Variants in AZIN1 observed in about 807,000 individuals in gnomAD.
The protein encoded by AZIN1 is ornithine decarboxylase antizyme inhibitor.
In AZIN1, 12 loss-of-function variants were observed where a neutral mutation model predicts 47.4. The ratio of observed to expected loss-of-function variants is 0.25; its 90% CI spans 0.16 to 0.41. The LOEUF is 0.41. Among genes scored for constraint, AZIN1 ranks in the 10% least tolerant of loss-of-function variants. The probability of loss-of-function intolerance (pLI) is 1.00; values close to 1 mark genes in which losing one functional copy is unlikely to be tolerated. For missense variants in AZIN1, 410 were observed against 532.4 expected, an observed-to-expected ratio of 0.77 and a Z score of 2.26; for synonymous variants, 155 against 176.3, an observed-to-expected ratio of 0.88 and a Z score of 0.96.
At chr8:102,839,921 A>G (rs1812071456) in intron 3 of AZIN1, 98 bp from the exon 4 acceptor site, 3 of 797,996 alleles carry the variant, frequency 3.8e-6, no homozygotes, top group Admixed American at 6.0e-5. Context: ...CCACAAATAT[A>G]TGGGTCAAGA....
At chr8:102,839,548 T>C in intron 4 of AZIN1, 102 bp downstream of exon 4, 1 of 825,242 alleles carries the variant, frequency 1.2e-6, no homozygotes, top group Non-Finnish European at 1.7e-6. Context: ...TGAAACTCCA[T>C]CCAAAAGTCA....
At chr8:102,835,898 C>T (rs972650562) in intron 6 of AZIN1, among the ~76,000 whole-genome samples, 3 of 152,022 alleles carry the variant, frequency 2.0e-5, no homozygotes, top group African/African-American at 7.3e-5. Context: ...CCAGAGTAAT[C>T]GTTAAAAGGA....
intron 3 of AZIN1, among the ~76,000 whole-genome samples, chr8:102,843,224 GA>G (rs796623654): frequency 3.6e-5 from 5 of 137,586 alleles, no homozygotes; most frequent in African/African-American, 1.4e-4. Context: ...AAAAAAAAAA[GA>G]AAATTGAGAA....
chr8:102,853,874 G>A (rs941460117), intron 2 of AZIN1, among the ~76,000 whole-genome samples: 2 of 151,202 alleles, frequency 1.3e-5, no homozygotes, highest in Admixed American at 6.6e-5. Flanking sequence ...TCGGGGGGTG[G>A]GGGGAGAAAA....
At chr8:102,850,392 G>A (rs938516884) in intron 2 of AZIN1, among the ~76,000 whole-genome samples, 8 of 152,068 alleles carry the variant, frequency 5.3e-5, no homozygotes, top group Admixed American at 2.0e-4. Context: ...AATATACAAC[G>A]TTGCTTAAGT....
chr8:102,848,167 G>A (rs1812693534), intron 2 of AZIN1, among the ~76,000 whole-genome samples: 2 of 152,064 alleles, frequency 1.3e-5, no homozygotes, highest in South Asian at 4.2e-4. Context: ...GTGTGTCGTA[G>A]GCTGTACTAT....
At chr8:102,855,748 ACAGAAAATTAACCC>A (rs1205137565) in intron 2 of AZIN1, 1 of 152,232 alleles carries the variant, frequency 6.6e-6, no homozygotes, top group African/African-American at 2.4e-5. Context: ...TTGTTGATCT[ACAGAAAATTAACCC>A]CAGGATTTCG....
intron 1 of AZIN1, among the ~76,000 whole-genome samples, chr8:102,862,037 A>G (rs2131295558): frequency 6.6e-6 from 1 of 152,270 alleles, no homozygotes; most frequent in African/African-American, 2.4e-5. Context: ...CTCCAAAAAA[A>G]AAAAACCAAG....
chr8:102,856,759 T>C (rs1813320482), intron 2 of AZIN1, among the ~76,000 whole-genome samples: 2 of 152,300 alleles, frequency 1.3e-5, no homozygotes, highest in Non-Finnish European at 1.5e-5. Flanking sequence ...ATGTTGCAAA[T>C]AGAACAGATG....
In AZIN1 at chr8:102,843,276, G is replaced by GC. The variant is rs546041022; in HGVS notation, c.102+274dup. Among the ~76,000 whole-genome samples the GC allele has an allele frequency of 3.8e-4, 58 of 152,010 alleles. 1 individual carries two copies. Among genetic ancestry groups the GC allele is most frequent in the African/African-American group, 1.3e-3 (55 of 41,438 alleles). On this transcript the variant is annotated intron_variant, in intron 3 of 11. Transcript: ENST00000337198. ...CATGTACTGATTAGAAGGTTGGCTGGCATCACATCAACAGAATAAACAGAA... is the reference window on the plus strand; with the variant it reads ...CATGTACTGATTAGAAGGTTGGCTGGCCATCACATCAACAGAATAAACAGAA...
At chr8:102,838,660 A>C (rs1192236129) in intron 5 of AZIN1, 84 bp downstream of exon 5, 33 of 1,144,818 alleles carry the variant, frequency 2.9e-5, no homozygotes, top group Non-Finnish European at 4.1e-5. Flanking sequence ...CCCTACCACA[A>C]ATGCTCCTTT....
At chr8:102,841,300 T>C (rs1812162717) in intron 3 of AZIN1, among the ~76,000 whole-genome samples, 1 of 152,020 alleles carries the variant, frequency 6.6e-6, no homozygotes, top group Non-Finnish European at 1.5e-5. Context: ...CTGAATGACT[T>C]AGAGAACACA....
chr8:102,845,505 G>A (rs1812513695), intron 2 of AZIN1, among the ~76,000 whole-genome samples: 1 of 152,118 alleles, frequency 6.6e-6, no homozygotes, highest in African/African-American at 2.4e-5. Flanking sequence ...ATTCTCTAAA[G>A]ACTGTTATAA....
intron 1 of AZIN1, among the ~76,000 whole-genome samples, chr8:102,861,135 A>C (rs902146583): frequency 2.6e-5 from 4 of 152,248 alleles, no homozygotes; most frequent in Admixed American, 6.5e-5. Context: ...GTAAGATGTT[A>C]CTAATAACTG....
chr8:102,841,790 TAA>T lies in AZIN1; in HGVS notation c.102+1759_102+1760del, dbSNP rs1491206661. Among the ~76,000 whole-genome samples, 7 of 119,910 alleles carry T rather than the reference TAA, an allele frequency of 5.8e-5. 1 individual carries two copies. Among genetic ancestry groups the T allele is most frequent in the Non-Finnish European group, 1.2e-4 (7 of 59,948 alleles). 78.7% of individuals were successfully genotyped at this position (119,910 alleles called of 152,430 possible). ...AAAGAAAGATTGTATCAGTTAAGTC[TAA>T]TATATATATATATAAAAAAAAAAAA... On this transcript the variant is annotated intron_variant, in intron 3 of 11. Transcript: ENST00000337198.
Position 102,834,233 on chromosome 8 carries a change from C to T in AZIN1, c.697G>A (p.Asp233Asn), listed in dbSNP as rs1349960360. The T allele has an allele frequency of 3.1e-6, 5 of 1,612,480 alleles. No homozygotes were observed. Among genetic ancestry groups the T allele is most frequent in the Non-Finnish European group, 3.4e-6 (4 of 1,179,780 alleles). ...GEIGFTMNMLDIGGGFTGTEF... is the reference protein window; with the variant it reads ...GEIGFTMNMLNIGGGFTGTEF... ...GTTCCCGTGAATCCTCCACCAATGT[C>T]TAACATGTTCATCGTAAAGCCAATT... is the stretch of plus-strand genomic sequence containing the variant. Residue 233 changes from aspartate to asparagine, a missense_variant, in exon 8 of 12, where the codon GAC becomes AAC. Around this residue, in one of 3 missense-constraint regions of AZIN1, gnomAD observed 237 missense variants for 309.4 expected, o/e 0.77. Transcript: ENST00000337198.
At chr8:102,832,760 C>T (rs2513936) in intron 9 of AZIN1, among the ~76,000 whole-genome samples, 32,612 of 151,890 alleles carry the variant, frequency 0.21, 4,067 homozygotes, top group South Asian at 0.38. Flanking sequence ...TGTGCCTCAG[C>T]CTCCCGAGTA....
intron 1 of AZIN1, among the ~76,000 whole-genome samples, chr8:102,860,500 C>T (rs1299650674): frequency 6.6e-6 from 1 of 152,020 alleles, no homozygotes; most frequent in Non-Finnish European, 1.5e-5. Context: ...CCTGACCTTG[C>T]GATCCACCCA....
rs1438693870 is a variant in AZIN1 at position 102,826,931 on chromosome 8, TA to T, written c.*1635del. 1.3e-5 allele frequency: 2 copies of T among 152,510 alleles called. No homozygotes were observed. The highest frequency in any genetic ancestry group is 6.6e-5 in the Admixed American group (1 of 15,238). 9.4% of individuals were successfully genotyped at this position (152,510 alleles called of 1,614,324 possible). ...TGGCAATGGATTGGGGCCCTATATA[TA>T]TATATTTTTAATAGAACCCATGAGA... On this transcript the variant is annotated 3_prime_UTR_variant, in exon 12 of 12. Transcript: ENST00000337198.
Sources: allele counts gnomAD v4.1 joint callset (sites outside exome capture counted in the v4.1 genomes callset), GRCh38; gene constraint gnomAD v4.1.1; regional missense constraint gnomAD v4.1.1; transcripts MANE v1.5; gene names NCBI Gene and HGNC (gene_info 2026-07-23, HGNC 2026-07-21).